Variants in CFI observed in about 807,000 individuals in gnomAD.
CFI encodes the protein complement factor I, also known as C3B/C4B inactivator.
A neutral mutation model predicts 78.8 loss-of-function variants in CFI; 66 were observed. The observed-to-expected ratio is 0.84, with a 90% CI of 0.69 to 1.03. The LOEUF is 1.03. CFI is among the 50% of genes least tolerant of loss of function. CFI has a pLI of 0.00. For missense variants in CFI, 706 were observed against 704.5 expected (o/e 1.00, Z -0.02); for synonymous variants, 250 against 232.6 (o/e 1.07, Z -0.68).
intron 1 of CFI, among the ~76,000 whole-genome samples, chr4:109,800,785 G>A (rs1732690578): frequency 6.6e-6 from 1 of 151,790 alleles, no homozygotes; most frequent in African/African-American, 2.4e-5. Flanking sequence ...ACATACATAT[G>A]TGTGTGTGTG....
chr4:109,749,510 G>A lies in CFI; in HGVS notation c.1033C>T (p.Arg345Ter), dbSNP rs768411190. The change falls in exon 9 of 13, where the codon CGA becomes TGA. Residue 345 changes from arginine to a stop codon, truncating the protein, a stop_gained. Coordinates refer to ENST00000394634, the MANE Select transcript of CFI (RefSeq NM_000204.5). LOFTEE classifies it high-confidence loss of function. ...TCATGCGACTTTACCAGTTGTGCTC[G>A]CTTTCCTCCCACAATTCGTTTCCTT... ...IRRKRIVGGK[R>*]AQLGDLPWQV... The A allele has an allele frequency of 6.2e-7, 1 of 1,612,480 alleles. No homozygotes were observed. Among genetic ancestry groups the A allele is most frequent in the South Asian group, 1.1e-5 (1 of 91,060 alleles).
intron 1 of CFI, among the ~76,000 whole-genome samples, chr4:109,771,714 CAAAAAAA>C (rs149565381): frequency 1.1e-4 from 2 of 18,116 alleles, no homozygotes; most frequent in African/African-American, 1.7e-4. Flanking sequence ...ACTCCATCAC[CAAAAAAA>C]AAAAAAAAAA....
At chr4:109,769,636 C>T (rs1479552553) in intron 1 of CFI, among the ~76,000 whole-genome samples, 2 of 152,188 alleles carry the variant, frequency 1.3e-5, no homozygotes, top group South Asian at 2.1e-4. Flanking sequence ...GATGTCAATT[C>T]ACTCAATGCT....
chr4:109,753,479 ATTT>A lies in CFI; in HGVS notation c.905-979_905-977del, dbSNP rs1725590091. Among the ~76,000 whole-genome samples the A allele has an allele frequency of 2.4e-5, 2 of 85,100 alleles. 1 individual carries two copies. Among genetic ancestry groups the A allele is most frequent in the Non-Finnish European group, 4.0e-5 (2 of 50,464 alleles). The allele number at this position is 85,100 out of a possible 152,430, so 55.8% of individuals were successfully genotyped here. On this transcript the variant is annotated intron_variant, in intron 7 of 12. Coordinates refer to ENST00000394634, the MANE Select transcript of CFI (RefSeq NM_000204.5). ...TATATATATATTTATATTAATAAAT[ATTT>A]ATAATAAATATTTATAATATATTTA...
At chr4:109,792,024 G>A (rs538299594) in intron 1 of CFI, among the ~76,000 whole-genome samples, 23 of 152,216 alleles carry the variant, frequency 1.5e-4, no homozygotes, top group African/African-American at 5.1e-4. Flanking sequence ...TGTGGTTAGA[G>A]AAGCTACTCT....
At chr4:109,741,362 G>A (rs901631826) in intron 12 of CFI, 34 of 985,234 alleles carry the variant, frequency 3.5e-5, no homozygotes, top group Non-Finnish European at 8.4e-6. Flanking sequence ...ATACGACTGA[G>A]TACTGAGATG....
chr4:109,776,663 A>G (rs1729286136), intron 1 of CFI, among the ~76,000 whole-genome samples: 1 of 152,216 alleles, frequency 6.6e-6, no homozygotes, highest in East Asian at 1.9e-4. Context: ...AGCAAGACAT[A>G]TAATTGTCAG....
rs778595193 is a variant in CFI at position 109,746,209 on chromosome 4, G to T, written c.1429+13C>A. Reference sequence around the variant, plus strand: ...ACTCATGGCTTCTGATTAACAAACTGTAAAACATATACCTTTTTCTCGTCC... The same window carrying T: ...ACTCATGGCTTCTGATTAACAAACTTTAAAACATATACCTTTTTCTCGTCC... On this transcript the variant is annotated intron_variant, in intron 11 of 12. Coordinates refer to ENST00000394634, the MANE Select transcript of CFI (RefSeq NM_000204.5). 1 of 1,613,884 alleles carries T rather than the reference G, an allele frequency of 6.2e-7. No individual in the cohort carries two copies. The highest frequency in any genetic ancestry group is 2.2e-5 in the East Asian group (1 of 44,876).
intron 1 of CFI, among the ~76,000 whole-genome samples, chr4:109,792,879 A>G (rs1731560457): frequency 6.6e-6 from 1 of 152,198 alleles, no homozygotes; most frequent in African/African-American, 2.4e-5. Context: ...TTTAGACAGC[A>G]TATAGTTGGA....
At chr4:109,792,445 G>A (rs1015478670) in intron 1 of CFI, among the ~76,000 whole-genome samples, 1 of 152,050 alleles carries the variant, frequency 6.6e-6, no homozygotes, top group African/African-American at 2.4e-5. Context: ...GCGTGGTGGT[G>A]CACTCCTATA....
At chr4:109,738,542 C>T (rs1723512874), downstream of CFI, among the ~76,000 whole-genome samples, 1 of 152,214 alleles carries the variant, frequency 6.6e-6, no homozygotes, top group East Asian at 1.9e-4. Context: ...CTGCCGCCAT[C>T]AAGAGATGGG....
At chr4:109,798,217 A>G (rs6825129) in intron 1 of CFI, among the ~76,000 whole-genome samples, 2,566 of 152,264 alleles carry the variant, frequency 0.017, 87 homozygotes, top group African/African-American at 0.058. Context: ...AAAGGTCAAG[A>G]TGTATAATTC....
the CFI span, among the ~76,000 whole-genome samples, chr4:109,731,653 G>A: frequency 6.6e-6 from 1 of 152,178 alleles, no homozygotes; most frequent in African/African-American, 2.4e-5. Context: ...TGTAGCTCCT[G>A]GCTGGAGACT....
intron 1 of CFI, among the ~76,000 whole-genome samples, chr4:109,775,776 G>T (rs189972890): frequency 6.6e-6 from 1 of 152,112 alleles, no homozygotes; most frequent in East Asian, 1.9e-4. Context: ...TCATACAGCC[G>T]AGTGCCCCTC....
At chr4:109,782,381 C>T (rs533710342) in intron 1 of CFI, among the ~76,000 whole-genome samples, 2 of 148,668 alleles carry the variant, frequency 1.3e-5, no homozygotes, top group African/African-American at 4.9e-5. Context: ...ACACCAACAG[C>T]GACCAAGCAC....
chr4:109,776,859 A>T (rs1452547605), intron 1 of CFI, among the ~76,000 whole-genome samples: 1 of 152,264 alleles, frequency 6.6e-6, no homozygotes, highest in Non-Finnish European at 1.5e-5. Context: ...AGAATTTCAT[A>T]TCAAGACAAA....
chr4:109,796,221 C>T (rs575710281), intron 1 of CFI, among the ~76,000 whole-genome samples: 26 of 152,028 alleles, frequency 1.7e-4, no homozygotes, highest in Middle Eastern at 3.4e-3. Context: ...ATAATATATT[C>T]AAAGTGTCAT....
chr4:109,749,984 G>A (rs1724945620), intron 8 of CFI, among the ~76,000 whole-genome samples: 1 of 151,834 alleles, frequency 6.6e-6, no homozygotes, highest in African/African-American at 2.4e-5. Flanking sequence ...GGCAAACTGT[G>A]TCTTTTCTTT....
At position 109,752,344 on chromosome 4, in the gene CFI, A is replaced by AT. The variant is rs1465293738; in HGVS notation, c.940+123dup. ...AGAGAAAGGAGAATAATAATGTTAT[A>AT]TTTTTTAATTTAAATTGATACCAAA... On this transcript the variant is annotated intron_variant, in intron 8 of 12. Transcript: ENST00000394634. The AT allele has an allele frequency of 9.8e-6, 8 of 817,574 alleles. No homozygotes were observed. In the East Asian group the frequency reaches 1.9e-4, roughly 19 times the overall value. 50.6% of individuals were successfully genotyped at this position (817,574 alleles called of 1,614,324 possible).
Sources: allele counts gnomAD v4.1 joint callset (sites outside exome capture counted in the v4.1 genomes callset), GRCh38; gene constraint gnomAD v4.1.1; transcripts MANE v1.5; gene names NCBI Gene and HGNC (gene_info 2026-07-23, HGNC 2026-07-21).